The following NUP54 variants were observed in gnomAD, a reference collection of about 807,000 sequenced individuals.
The protein encoded by NUP54 is nucleoporin p54.
A neutral mutation model predicts 66.4 loss-of-function variants in NUP54; 27 were observed. The observed-to-expected ratio is 0.41, with a 90% CI of 0.30 to 0.56. NUP54 has a LOEUF of 0.56. Ranked by LOEUF, NUP54 falls within the 20% of genes least tolerant of loss-of-function variation. The probability of loss-of-function intolerance (pLI) is 0.34; values close to 1 mark genes in which losing one functional copy is unlikely to be tolerated. For synonymous variants in NUP54, 206 were observed against 210.7 expected (o/e 0.98, Z 0.19); for missense variants, 486 against 596.3 (o/e 0.82, Z 1.93).
chr4:76,136,095 G>T, intron 4 of NUP54, 91 bp downstream of exon 4: 1 of 857,902 alleles, frequency 1.2e-6, no homozygotes, highest in Non-Finnish European at 1.9e-6. Flanking sequence ...AAGGAGTAAA[G>T]ATCCAAGCAA....
chr4:76,117,742 C>T lies in NUP54; in HGVS notation c.1317G>A (p.Arg439=). The T allele has an allele frequency of 1.9e-6, 3 of 1,614,000 alleles. No individual in the cohort carries two copies. Among genetic ancestry groups the T allele is most frequent in the Non-Finnish European group, 2.5e-6 (3 of 1,179,924 alleles). Residue 439 remains arginine (R), a synonymous_variant, in exon 11 of 12, where the codon AGG becomes AGA. Coordinates refer to ENST00000264883, the MANE Select transcript of NUP54 (RefSeq NM_017426.4). ...GRLNELMSQI[R]MQNHFGAVRS... Reference sequence around the variant, plus strand: ...TGACTGCTCCAAAATGATTCTGCATCCTGATTTGAGACATCAATTCATTTA... The same window carrying T: ...TGACTGCTCCAAAATGATTCTGCATTCTGATTTGAGACATCAATTCATTTA...
chr4:76,116,786 G>A (rs547955096), intron 11 of NUP54, among the ~76,000 whole-genome samples: 25 of 152,096 alleles, frequency 1.6e-4, no homozygotes, highest in Non-Finnish European at 3.2e-4. Flanking sequence ...CTGAAATTTT[G>A]CATTTCTAAT....
rs1428524009 is a variant in NUP54 at position 76,131,140 on chromosome 4, T to C, written c.962+90A>G. On this transcript the variant is annotated intron_variant, in intron 7 of 11. Transcript: ENST00000264883. ...GGAAAATGAAAATAAACTTGTCTCA[T>C]ATGTAAGAATTATAATTAATAGCTC... is the stretch of plus-strand genomic sequence containing the variant. The C allele has an allele frequency of 3.7e-6, 3 of 812,290 alleles. No homozygotes were observed. The African/African-American group carries it at 5.3e-5, about 14-fold the overall frequency. The allele number at this position is 812,290 out of a possible 1,614,324, so 50.3% of individuals were successfully genotyped here.
intron 9 of NUP54, among the ~76,000 whole-genome samples, chr4:76,124,098 C>T (rs903671504): frequency 2.0e-5 from 3 of 151,614 alleles, no homozygotes; most frequent in Non-Finnish European, 4.4e-5. Flanking sequence ...CTTTATTTTT[C>T]ACATTTGATT....
intron 8 of NUP54, among the ~76,000 whole-genome samples, chr4:76,129,742 G>A (rs2109878706): frequency 6.6e-6 from 1 of 151,528 alleles, no homozygotes; most frequent in African/African-American, 2.4e-5. Context: ...GCAGGCGCCT[G>A]TAGTCCCAGC....
intron 1 of NUP54, 53 bp downstream of exon 1, chr4:76,148,254 GC>G: frequency 8.4e-7 from 1 of 1,189,228 alleles, no homozygotes; most frequent in South Asian, 2.7e-5. Context: ...GACAGAGGGG[GC>G]GGACCAGACC....
At chr4:76,133,367 T>A (rs4241588) in intron 5 of NUP54, among the ~76,000 whole-genome samples, 5 of 151,350 alleles carry the variant, frequency 3.3e-5, no homozygotes, top group African/African-American at 1.2e-4. Flanking sequence ...GTTCAGTGGC[T>A]CAATCTTGGC....
chr4:76,142,419 A>G (rs569541856), intron 3 of NUP54, among the ~76,000 whole-genome samples: 1 of 152,236 alleles, frequency 6.6e-6, no homozygotes, highest in South Asian at 2.1e-4. Flanking sequence ...TAGCTAGTCA[A>G]TCAAGTTACT....
At chr4:76,136,149 A>T in intron 4 of NUP54, 37 bp downstream of exon 4, 1 of 1,411,416 alleles carries the variant, frequency 7.1e-7, no homozygotes, top group South Asian at 1.2e-5. Flanking sequence ...TGTTATACAA[A>T]ATCTTCAACT....
chr4:76,128,549 T>C (rs1279389399), intron 8 of NUP54, among the ~76,000 whole-genome samples: 1 of 152,034 alleles, frequency 6.6e-6, no homozygotes, highest in Non-Finnish European at 1.5e-5. Context: ...TATAACAATA[T>C]AGGTAGGTTA....
intron 8 of NUP54, among the ~76,000 whole-genome samples, chr4:76,127,556 A>G (rs1169627376): frequency 6.6e-6 from 1 of 152,112 alleles, no homozygotes. Context: ...GTGAAAGGTT[A>G]AACTCTAAAT....
At chr4:76,116,430 CAA>C (rs912636980) in intron 11 of NUP54, among the ~76,000 whole-genome samples, 2 of 152,148 alleles carry the variant, frequency 1.3e-5, no homozygotes, top group Non-Finnish European at 2.9e-5. Flanking sequence ...GTATGTTCCA[CAA>C]AGTTCATCAT....
intron 3 of NUP54, among the ~76,000 whole-genome samples, chr4:76,140,349 G>A (rs973088099): frequency 1.3e-5 from 2 of 148,880 alleles, no homozygotes; most frequent in African/African-American, 5.0e-5. Context: ...CCAGTGGTGC[G>A]ATCTCAGCTC....
At chr4:76,129,965 A>AGTTT (rs1560682997) in intron 8 of NUP54, among the ~76,000 whole-genome samples, 74 of 112,764 alleles carry the variant, frequency 6.6e-4, no homozygotes, top group African/African-American at 2.1e-3. Flanking sequence ...TAATTATGAA[A>AGTTT]GTTTTTTTTT....
intron 9 of NUP54, among the ~76,000 whole-genome samples, chr4:76,123,145 C>A (rs142686668): frequency 6.6e-6 from 1 of 152,112 alleles, no homozygotes; most frequent in African/African-American, 2.4e-5. Context: ...AACGGTTATA[C>A]AAGTCTCTGA....
In NUP54 at chr4:76,115,367, CAACTA is replaced by C; in HGVS notation, c.1518_1522del (p.Phe506LeufsTer8). 1 of 1,588,238 alleles carries C rather than the reference CAACTA, an allele frequency of 6.3e-7. No individual in the cohort carries two copies. The highest frequency in any genetic ancestry group is 8.5e-7 in the Non-Finnish European group (1 of 1,170,688). Reference sequence around the variant, plus strand: ...ACCTTTACACAAGTTTGTGAACTGTCAACTAAAGACACCACCTCTGATGTGGATGG... The same window carrying C: ...ACCTTTACACAAGTTTGTGAACTGTCAAGACACCACCTCTGATGTGGATGG... On this transcript the variant is annotated frameshift_variant and stop_lost, in exon 12 of 12. Coordinates refer to ENST00000264883, the MANE Select transcript of NUP54 (RefSeq NM_017426.4). LOFTEE classifies it high-confidence loss of function.
chr4:76,147,905 C>G, intron 1 of NUP54: 1 of 286,850 alleles, frequency 3.5e-6, no homozygotes, highest in Non-Finnish European at 6.7e-6. Context: ...GGATCCCCAG[C>G]CCTATCCTCG....
chr4:76,125,346 ACACACG>A (rs957700753), intron 8 of NUP54, among the ~76,000 whole-genome samples: 10 of 149,818 alleles, frequency 6.7e-5, no homozygotes, highest in African/African-American at 2.2e-4. Flanking sequence ...ACACACACAC[ACACACG>A]GCTGGGCACA....
chr4:76,124,777 G>C (rs755167866), intron 8 of NUP54, 21 bp from the exon 9 acceptor site: 2 of 719,232 alleles, frequency 2.8e-6, no homozygotes, highest in Non-Finnish European at 4.5e-6. Context: ...AAAAATTGGG[G>C]GGGGGAGGGT....
Sources: gnomAD v4.1 joint callset for allele counts (sites outside exome capture counted in the v4.1 genomes callset) on GRCh38, gnomAD v4.1.1 for gene constraint, MANE v1.5 for transcripts, NCBI Gene and HGNC (gene_info 2026-07-23, HGNC 2026-07-21) for gene names.